Variants in SLC35F2 observed in about 807,000 individuals in gnomAD.
The protein encoded by SLC35F2 is queuine/queuosine transporter SLC35F2.
SLC35F2 carries 25 observed loss-of-function variants against 38.1 expected under a neutral mutation model. The ratio of observed to expected loss-of-function variants is 0.66; its 90% CI spans 0.48 to 0.92. SLC35F2 has a LOEUF of 0.92. Ranked by LOEUF, SLC35F2 falls within the 40% of genes least tolerant of loss-of-function variation. The pLI, the probability that SLC35F2 is intolerant of heterozygous loss-of-function variation, is 0.00. For missense variants in SLC35F2, 409 were observed against 452.9 expected (o/e 0.90, Z 0.88); for synonymous variants, 173 against 181.7 (o/e 0.95, Z 0.38).
chr11:107,847,476 C>T (rs531068274), intron 1 of SLC35F2, among the ~76,000 whole-genome samples: 137 of 152,242 alleles, frequency 9.0e-4, no homozygotes, highest in African/African-American at 3.2e-3. Flanking sequence ...TCAGAAATAG[C>T]CTAATTTTTA....
At chr11:107,813,477 AAAAAC>A (rs1280497871) in intron 2 of SLC35F2, among the ~76,000 whole-genome samples, 2 of 152,140 alleles carry the variant, frequency 1.3e-5, no homozygotes, top group Non-Finnish European at 2.9e-5. Context: ...AAGAAAAACA[AAAAAC>A]AAAACAAAAA....
intron 1 of SLC35F2, among the ~76,000 whole-genome samples, chr11:107,824,267 G>A (rs1182577125): frequency 4.6e-5 from 7 of 152,144 alleles, no homozygotes; most frequent in Non-Finnish European, 1.0e-4. Context: ...TGTCTTACTC[G>A]GAATAGGTGC....
chr11:107,807,827 G>A (rs532787701), intron 3 of SLC35F2, among the ~76,000 whole-genome samples: 13 of 152,130 alleles, frequency 8.5e-5, no homozygotes, highest in African/African-American at 2.4e-4. Context: ...TGTCTGCCTC[G>A]GCCTCCCAAA....
At chr11:107,804,436 T>A (rs1236364480) in intron 6 of SLC35F2, among the ~76,000 whole-genome samples, 1 of 152,188 alleles carries the variant, frequency 6.6e-6, no homozygotes, top group Non-Finnish European at 1.5e-5. Context: ...GATACAGATC[T>A]AATTGAAAGC....
At chr11:107,846,990 A>C (rs929974788) in intron 1 of SLC35F2, among the ~76,000 whole-genome samples, 12 of 152,152 alleles carry the variant, frequency 7.9e-5, no homozygotes, top group Non-Finnish European at 1.2e-4. Context: ...TATCTGGAAA[A>C]TTAACCTGTG....
At chr11:107,816,531 C>G (rs146791027) in intron 1 of SLC35F2, among the ~76,000 whole-genome samples, 1 of 150,612 alleles carries the variant, frequency 6.6e-6, no homozygotes, top group Non-Finnish European at 1.5e-5. Flanking sequence ...AAGGGACCCT[C>G]CCACCTCAGC....
intron 2 of SLC35F2, among the ~76,000 whole-genome samples, chr11:107,814,818 C>G (rs1292188390): frequency 6.6e-6 from 1 of 152,180 alleles, no homozygotes. Flanking sequence ...CAAAAATTAT[C>G]TGGGCACAGT....
chr11:107,821,334 A>G (rs1859666878), intron 1 of SLC35F2: 1 of 889,816 alleles, frequency 1.1e-6, no homozygotes, highest in South Asian at 5.2e-5. Flanking sequence ...ACTATCTTCT[A>G]AAAAAAGGAG....
In SLC35F2 at chr11:107,795,260, T is replaced by A. The variant is rs138378625; in HGVS notation, c.940-2460A>T. On this transcript the variant is annotated intron_variant, in intron 7 of 7. Transcript: ENST00000525815. ...GCAATGCTGGGCAACCAAAACAGCA[T>A]GGTATTAGTATAAAATGAAAATGAA... 2.4e-3 allele frequency among the ~76,000 whole-genome samples: 363 copies of A among 152,108 alleles called. 4 individuals are homozygous for A. The highest frequency in any genetic ancestry group is 8.3e-3 in the African/African-American group (343 of 41,506).
chr11:107,826,608 T>C (rs1178548552), intron 1 of SLC35F2, among the ~76,000 whole-genome samples: 1 of 152,200 alleles, frequency 6.6e-6, no homozygotes, highest in Non-Finnish European at 1.5e-5. Context: ...AAAAGGTGTA[T>C]GTCTGACTAT....
intron 7 of SLC35F2, among the ~76,000 whole-genome samples, chr11:107,793,727 A>G (rs976381858): frequency 2.6e-5 from 4 of 152,218 alleles, no homozygotes; most frequent in Admixed American, 2.6e-4. Context: ...CAAAGAGGTG[A>G]CTGAGTGTAA....
intron 7 of SLC35F2, among the ~76,000 whole-genome samples, chr11:107,799,733 A>G (rs12796590): frequency 0.15 from 22,748 of 151,614 alleles, 2,753 homozygotes; most frequent in East Asian, 0.42. Context: ...CCACCACTCC[A>G]AGCTAATTTT....
At chr11:107,832,763 T>C (rs987791943) in intron 1 of SLC35F2, among the ~76,000 whole-genome samples, 3 of 152,156 alleles carry the variant, frequency 2.0e-5, no homozygotes, top group African/African-American at 7.2e-5. Flanking sequence ...GCCATGATCA[T>C]GCCACTGCAC....
intron 1 of SLC35F2, among the ~76,000 whole-genome samples, chr11:107,849,851 C>G (rs1272174728): frequency 6.6e-6 from 1 of 152,140 alleles, no homozygotes; most frequent in Non-Finnish European, 1.5e-5. Flanking sequence ...AAAGAGGAAC[C>G]AGAGGCCCAG....
intron 1 of SLC35F2, chr11:107,823,232 G>A (rs2134808706): frequency 5.1e-6 from 5 of 984,700 alleles, no homozygotes; most frequent in Non-Finnish European, 6.0e-6. Flanking sequence ...GATCAGGACG[G>A]CAAACCACTA....
intron 1 of SLC35F2, among the ~76,000 whole-genome samples, chr11:107,841,922 C>G (rs144962684): frequency 1.3e-5 from 2 of 151,612 alleles, no homozygotes; most frequent in African/African-American, 4.8e-5. Flanking sequence ...AAAGATTAGC[C>G]GGGCGTGGTG....
intron 3 of SLC35F2, 67 bp downstream of exon 3, chr11:107,811,600 C>A: frequency 6.9e-7 from 1 of 1,446,184 alleles, no homozygotes; most frequent in Non-Finnish European, 9.4e-7. Context: ...ATTAGGTCAA[C>A]ACATATGACT....
At chr11:107,854,822 C>T (rs1259728642) in intron 1 of SLC35F2, among the ~76,000 whole-genome samples, 1 of 152,110 alleles carries the variant, frequency 6.6e-6, no homozygotes, top group Non-Finnish European at 1.5e-5. Context: ...TCTTCTTGCC[C>T]CTTTTTGGTA....
chr11:107,829,746 C>T (rs1591200335), intron 1 of SLC35F2, among the ~76,000 whole-genome samples: 2 of 149,592 alleles, frequency 1.3e-5, no homozygotes, highest in East Asian at 3.9e-4. Flanking sequence ...TGAAAATATT[C>T]TAGGGTCTAT....
Sources: allele counts gnomAD v4.1 joint callset (sites outside exome capture counted in the v4.1 genomes callset), GRCh38; gene constraint gnomAD v4.1.1; transcripts MANE v1.5; gene names NCBI Gene and HGNC (gene_info 2026-07-23, HGNC 2026-07-21).